Variants in ABCC11 observed in about 807,000 individuals in gnomAD.
ABCC11 encodes ATP-binding cassette sub-family C member 11.
In ABCC11, 135 loss-of-function variants were observed where a neutral mutation model predicts 149.3. That is an observed-to-expected ratio of 0.90 (90% CI 0.79 to 1.04). The LOEUF (loss-of-function observed/expected upper bound fraction) is 1.04. ABCC11 is among the 50% of genes least tolerant of loss of function. ABCC11 has a pLI of 0.00. For missense variants in ABCC11, 1,680 were observed against 1,722.1 expected, an observed-to-expected ratio of 0.98 and a Z score of 0.43; for synonymous variants, 665 against 671.4, an observed-to-expected ratio of 0.99 and a Z score of 0.15.
chr16:48,192,375 T>A, intron 20 of ABCC11, 145 bp downstream of exon 20: 1 of 868,744 alleles, frequency 1.2e-6, no homozygotes, highest in South Asian at 1.9e-5. Flanking sequence ...GCCTGGAAGG[T>A]GGAGGTTGCC....
At chr16:48,169,230 T>C (rs1965535591) in intron 28 of ABCC11, among the ~76,000 whole-genome samples, 1 of 152,138 alleles carries the variant, frequency 6.6e-6, no homozygotes, top group African/African-American at 2.4e-5. Flanking sequence ...GAAAAGAGGA[T>C]CATCATTTGG....
chr16:48,199,261 A>G (rs1293750991), intron 15 of ABCC11, among the ~76,000 whole-genome samples: 1 of 152,092 alleles, frequency 6.6e-6, no homozygotes, highest in Non-Finnish European at 1.5e-5. Context: ...TAAACAACAA[A>G]GTCAGGAGAG....
At chr16:48,240,917 A>G (rs1429935498) in intron 1 of ABCC11, among the ~76,000 whole-genome samples, 1 of 151,950 alleles carries the variant, frequency 6.6e-6, no homozygotes, top group Non-Finnish European at 1.5e-5. Flanking sequence ...ATCATATATC[A>G]CATGGCCACA....
rs1948750645 is a variant in ABCC11, at chr16:48,197,973, G to C, written c.2312C>G (p.Ala771Gly). The change falls in exon 17 of 30, where the codon GCT becomes GGT. Residue 771 changes from alanine (A) to glycine (G), a missense_variant and splice_region_variant. Coordinates refer to ENST00000356608, the MANE Select transcript of ABCC11 (RefSeq NM_001370497.1). The part of the protein sequence containing the change: ...TSLEESLNGN[A>G]VPEHQLTQEE... ...TGTCCTATCTCCCACACCATTACCA[G>C]CATTTCCGTTGAGAGACTCTTCCAG... The C allele has an allele frequency of 3.1e-6, 5 of 1,613,870 alleles. No individual in the cohort carries two copies. The African/African-American group carries it at 5.3e-5, about 17-fold the overall frequency.
rs758749073 is a variant in ABCC11, at chr16:48,230,547, G to A, written c.126C>T (p.Pro42=). Residue 42 remains proline, a synonymous_variant, in exon 3 of 30, where the codon CCC becomes CCT. Coordinates refer to ENST00000356608, the MANE Select transcript of ABCC11 (RefSeq NM_001370497.1). ...CAGGATTTCTCTCTTGCTGACTCCA[G>A]GGGCCATCTTGGAGAGTATAGGTTT... ...IYKTYTLQDG[P]WSQQERNPEA... 4.3e-6 allele frequency: 7 copies of A among 1,610,556 alleles called. No individual in the cohort carries two copies. The East Asian group carries it at 1.6e-4, about 36-fold the overall frequency.
intron 12 of ABCC11, 82 bp from the exon 13 acceptor site, chr16:48,205,619 G>T: frequency 6.5e-7 from 1 of 1,539,558 alleles, no homozygotes. Flanking sequence ...AGTGCCCAGG[G>T]CCCCACTGCC....
intron 26 of ABCC11, among the ~76,000 whole-genome samples, chr16:48,172,857 A>G (rs1322412982): frequency 6.6e-6 from 1 of 152,180 alleles, no homozygotes; most frequent in Non-Finnish European, 1.5e-5. Flanking sequence ...ATCTATCTGG[A>G]CTTTACACCC....
intron 17 of ABCC11, among the ~76,000 whole-genome samples, chr16:48,196,752 G>A (rs775129944): frequency 6.6e-6 from 1 of 152,212 alleles, no homozygotes; most frequent in Non-Finnish European, 1.5e-5. Flanking sequence ...ACACTTCTGA[G>A]ATAATGCTTC....
At chr16:48,247,041 A>G (rs1015933071) in intron 1 of ABCC11, among the ~76,000 whole-genome samples, 3 of 152,300 alleles carry the variant, frequency 2.0e-5, no homozygotes, top group Admixed American at 6.5e-5. Context: ...ATTAGAAAAC[A>G]TATATTGAAA....
At chr16:48,193,559 A>G (rs1051658704) in intron 19 of ABCC11, among the ~76,000 whole-genome samples, 8 of 152,202 alleles carry the variant, frequency 5.3e-5, no homozygotes, top group Non-Finnish European at 8.8e-5. Flanking sequence ...AATAAACCAT[A>G]GTATGGAGGC....
intron 3 of ABCC11, among the ~76,000 whole-genome samples, chr16:48,228,552 C>T (rs1221784586): frequency 1.3e-5 from 2 of 151,866 alleles, no homozygotes; most frequent in Admixed American, 6.6e-5. Flanking sequence ...GCCGAGATCA[C>T]GCCACTACCA....
intron 22 of ABCC11, among the ~76,000 whole-genome samples, chr16:48,186,245 C>T (rs143175433): frequency 6.0e-4 from 92 of 152,314 alleles, no homozygotes; most frequent in African/African-American, 2.1e-3. Flanking sequence ...TCAAGGCCAG[C>T]TCAGATGCCA....
Position 48,224,366 on chromosome 16 carries a change from C to G in ABCC11, c.459G>C (p.Leu153=). 4 of 1,614,178 alleles carry G rather than the reference C, an allele frequency of 2.5e-6. No individual in the cohort carries two copies. The highest frequency in any genetic ancestry group is 3.4e-6 in the Non-Finnish European group (4 of 1,180,012). The change falls in exon 5 of 30, where the codon CTG becomes CTC. Residue 153 remains leucine, a synonymous_variant. Transcript: ENST00000356608. The part of the protein sequence containing the change: ...RRGIEKASVL[L]VMLRFQRTRL... ...TTGTTCTCTGGAACCTCAGCATCAC[C>G]AGAAGCACTGAAGCTTTTTCAATCC... is the stretch of plus-strand genomic sequence containing the variant.
chr16:48,216,120 T>G lies in ABCC11; in HGVS notation c.945A>C (p.Pro315=). 1 of 1,613,784 alleles carries G rather than the reference T, an allele frequency of 6.2e-7. No individual in the cohort carries two copies. Among genetic ancestry groups the G allele is most frequent in the Non-Finnish European group, 8.5e-7 (1 of 1,179,912 alleles). The part of the protein sequence containing the change: ...IAILCYLLVF[P]LAVFMTRMAV... ...TGACAGAGAAAGACATTACCGCCAG[T>G]GGGAAAACCAGGAGATAGCATAAGA... Residue 315 remains proline, a synonymous_variant, in exon 7 of 30, where the codon CCA becomes CCC. Transcript: ENST00000356608.
In ABCC11 at chr16:48,219,423, G is replaced by A. The variant is rs1473254520; in HGVS notation, c.778-3136C>T. On this transcript the variant is annotated intron_variant, in intron 6 of 29. Transcript: ENST00000356608. ...TGAACTCAAGCGATTCATCCAACTC[G>A]GCATCCCAAAGTGCTGGGATTACAG... Among the ~76,000 whole-genome samples, 3 of 151,984 alleles carry A rather than the reference G, an allele frequency of 2.0e-5. No homozygotes were observed. The East Asian group carries it at 5.8e-4, about 29-fold the overall frequency.
chr16:48,222,555 G>T, intron 6 of ABCC11, 43 bp downstream of exon 6: 1 of 1,551,406 alleles, frequency 6.4e-7, no homozygotes, highest in Non-Finnish European at 8.9e-7. Context: ...CCGGAGGAAG[G>T]GTAGGGAAGC....
At chr16:48,172,934 A>T (rs1440706020) in intron 26 of ABCC11, among the ~76,000 whole-genome samples, 1 of 152,250 alleles carries the variant, frequency 6.6e-6, no homozygotes, top group Non-Finnish European at 1.5e-5. Flanking sequence ...GCAGCCATGT[A>T]GCCCTGAGTG....
At chr16:48,216,392 G>T in intron 6 of ABCC11, 105 bp from the exon 7 acceptor site, 1 of 1,139,300 alleles carries the variant, frequency 8.8e-7, no homozygotes, top group Non-Finnish European at 1.3e-6. Flanking sequence ...GGCTTGAAAG[G>T]AAGGGTGGAA....
chr16:48,228,116 CA>C (rs1970197029), intron 3 of ABCC11, 152 bp from the exon 4 acceptor site: 2 of 726,436 alleles, frequency 2.8e-6, no homozygotes, highest in Admixed American at 6.7e-5. Flanking sequence ...TCATAAACAA[CA>C]AAAGTGCCCA....
Sources: gnomAD v4.1 joint callset for allele counts (sites outside exome capture counted in the v4.1 genomes callset) on GRCh38, gnomAD v4.1.1 for gene constraint, MANE v1.5 for transcripts, NCBI Gene and HGNC (gene_info 2026-07-23, HGNC 2026-07-21) for gene names.